Variants in RNF13 observed in about 807,000 individuals in gnomAD.
The protein encoded by RNF13 is E3 ubiquitin-protein ligase RNF13.
Under a neutral mutation model 37.7 loss-of-function variants are expected in RNF13, and 19 were observed. The observed-to-expected ratio is 0.50, with a 90% CI of 0.35 to 0.74. The LOEUF (loss-of-function observed/expected upper bound fraction) is 0.74, where lower values mean the gene tolerates loss of function less well. Among genes scored for constraint, RNF13 ranks in the 30% least tolerant of loss-of-function variants. The probability of loss-of-function intolerance (pLI) is 0.01; values close to 1 mark genes in which losing one functional copy is unlikely to be tolerated. For synonymous variants in RNF13, 144 were observed against 157.8 expected (o/e 0.91, Z 0.65); for missense variants, 375 against 453.0 (o/e 0.83, Z 1.56).
intron 1 of RNF13, chr3:149,817,418 G>T (rs1455444910): frequency 1.3e-5 from 2 of 152,180 alleles, no homozygotes; most frequent in Non-Finnish European, 2.9e-5. Flanking sequence ...CTCACCGTAA[G>T]AATTTTGAGA....
chr3:149,937,611 T>C (rs530967772), intron 8 of RNF13, among the ~76,000 whole-genome samples: 3 of 152,204 alleles, frequency 2.0e-5, no homozygotes, highest in Non-Finnish European at 4.4e-5. Flanking sequence ...AATTTTGATA[T>C]GTTGTATTTT....
intron 5 of RNF13, among the ~76,000 whole-genome samples, chr3:149,896,418 C>T (rs114652316): frequency 0.017 from 2,627 of 151,774 alleles, 40 homozygotes; most frequent in Middle Eastern, 0.035. Context: ...TATTCCTTAA[C>T]CAAAAAGTCT....
Position 149,875,906 on chromosome 3 carries a change from C to T in RNF13, c.321+3752C>T, listed in dbSNP as rs1199335996. On this transcript the variant is annotated intron_variant, in intron 4 of 9. Transcript: ENST00000392894. ...TGTTCTTTACTGTGACAAAAATTGA[C>T]TTTGAAGCATTTTGAGGGAGATATT... Among the ~76,000 whole-genome samples, 4 of 1,860 alleles carry T rather than the reference C, an allele frequency of 2.2e-3. No homozygotes were observed. In the African/African-American group the frequency reaches 0.022, roughly 10 times the overall value. The allele number at this position is 1,860 out of a possible 152,430, so 1.2% of individuals were successfully genotyped here. A position where few individuals can be genotyped will look rare whatever the true frequency, so the allele number is the denominator to read the frequency against.
At chr3:149,840,809 G>C (rs1034174347) in intron 1 of RNF13, among the ~76,000 whole-genome samples, 1 of 152,162 alleles carries the variant, frequency 6.6e-6, no homozygotes, top group African/African-American at 2.4e-5. Flanking sequence ...GAGACTGGGA[G>C]CACAACATAT....
At chr3:149,862,335 T>G (rs1334682657) in intron 3 of RNF13, among the ~76,000 whole-genome samples, 1 of 152,108 alleles carries the variant, frequency 6.6e-6, no homozygotes, top group Non-Finnish European at 1.5e-5. Context: ...TTTTACTATT[T>G]TTTTGAAAGA....
chr3:149,818,579 T>C (rs1168224305), intron 1 of RNF13, among the ~76,000 whole-genome samples: 1 of 152,154 alleles, frequency 6.6e-6, no homozygotes, highest in Admixed American at 6.5e-5. Flanking sequence ...AAATGTGGCA[T>C]GTATTAAGGA....
At chr3:149,821,072 G>A (rs548613151) in intron 1 of RNF13, among the ~76,000 whole-genome samples, 5 of 151,962 alleles carry the variant, frequency 3.3e-5, no homozygotes, top group African/African-American at 7.3e-5. Flanking sequence ...TTTATCCATC[G>A]ATGGATATTT....
rs200186295 is a variant in RNF13, at chr3:149,852,631, G to C, written c.195+35G>C. 345 of 955,966 alleles carry C rather than the reference G, an allele frequency of 3.6e-4. 1 individual carries two copies. In the African/African-American group the frequency reaches 5.2e-3, roughly 14 times the overall value. The allele number at this position is 955,966 out of a possible 1,614,324, so 59.2% of individuals were successfully genotyped here. A position where few individuals can be genotyped will look rare whatever the true frequency, so the allele number is the denominator to read the frequency against. ...TTGGTAATACATTGTAAAGACACAA[G>C]GTATTTAATAAGGTGATTTTTATTG... On this transcript the variant is annotated intron_variant, in intron 3 of 9. Transcript: ENST00000392894.
At chr3:149,859,009 G>A (rs1053551919) in intron 3 of RNF13, among the ~76,000 whole-genome samples, 2 of 152,064 alleles carry the variant, frequency 1.3e-5, no homozygotes, top group Admixed American at 6.6e-5. Context: ...TTTGTGTTAC[G>A]TCCTTTGCCT....
chr3:149,944,031 A>T (rs1174180165), intron 8 of RNF13, among the ~76,000 whole-genome samples: 1 of 151,734 alleles, frequency 6.6e-6, no homozygotes, highest in Non-Finnish European at 1.5e-5. Context: ...CTCATCATTC[A>T]GTTCCCACCT....
chr3:149,892,365 C>T (rs752987994), intron 4 of RNF13, among the ~76,000 whole-genome samples: 4 of 152,186 alleles, frequency 2.6e-5, no homozygotes, highest in Non-Finnish European at 5.9e-5. Flanking sequence ...TAAATCCATT[C>T]ATGTATATAG....
intron 1 of RNF13, among the ~76,000 whole-genome samples, chr3:149,826,200 T>C (rs1188917679): frequency 6.6e-6 from 1 of 152,204 alleles, no homozygotes; most frequent in Non-Finnish European, 1.5e-5. Context: ...TGGTAATCCA[T>C]GGCATCACAA....
At chr3:149,822,784 G>A (rs1010509175) in intron 1 of RNF13, among the ~76,000 whole-genome samples, 14 of 152,008 alleles carry the variant, frequency 9.2e-5, no homozygotes, top group African/African-American at 3.4e-4. Context: ...CAATTATTTT[G>A]CAACTTAATT....
intron 3 of RNF13, among the ~76,000 whole-genome samples, chr3:149,863,114 T>C (rs147709345): frequency 9.8e-5 from 15 of 152,386 alleles, no homozygotes; most frequent in Non-Finnish European, 1.8e-4. Flanking sequence ...CTTTGAATTC[T>C]GAATACTGAA....
chr3:149,955,926 C>T (rs1324239183), intron 8 of RNF13, among the ~76,000 whole-genome samples: 2 of 152,116 alleles, frequency 1.3e-5, no homozygotes, highest in Non-Finnish European at 2.9e-5. Context: ...GGTAATTCCT[C>T]TTTCTAAATT....
chr3:149,821,487 G>A (rs1283324987), intron 1 of RNF13, among the ~76,000 whole-genome samples: 1 of 152,128 alleles, frequency 6.6e-6, no homozygotes, highest in Non-Finnish European at 1.5e-5. Flanking sequence ...GTCTATTCAA[G>A]TTCTTTGCCC....
intron 1 of RNF13, among the ~76,000 whole-genome samples, chr3:149,827,520 T>C (rs1382302812): frequency 2.0e-5 from 3 of 152,124 alleles, no homozygotes; most frequent in Admixed American, 2.0e-4. Flanking sequence ...TCTATAAATA[T>C]TAATATTAAA....
At chr3:149,959,629 T>C (rs1722189640) in intron 8 of RNF13, among the ~76,000 whole-genome samples, 1 of 152,216 alleles carries the variant, frequency 6.6e-6, no homozygotes, top group South Asian at 2.1e-4. Context: ...TGAAGTCCAG[T>C]GTGACTCATT....
chr3:149,860,737 C>G (rs1373733147), intron 3 of RNF13, among the ~76,000 whole-genome samples: 1 of 152,124 alleles, frequency 6.6e-6, no homozygotes, highest in Non-Finnish European at 1.5e-5. Context: ...CACAAAAGCA[C>G]AGACAACAAA....
Sources: gnomAD v4.1 joint callset for allele counts (sites outside exome capture counted in the v4.1 genomes callset) on GRCh38, gnomAD v4.1.1 for gene constraint, MANE v1.5 for transcripts, NCBI Gene and HGNC (gene_info 2026-07-23, HGNC 2026-07-21) for gene names.